The following PTPN4 variants were observed in gnomAD, a reference collection of about 807,000 sequenced individuals.
PTPN4 encodes tyrosine-protein phosphatase non-receptor type 4.
PTPN4 carries 49 observed loss-of-function variants against 135.5 expected under a neutral mutation model. That is an observed-to-expected ratio of 0.36 (90% CI 0.29 to 0.46). The LOEUF (loss-of-function observed/expected upper bound fraction) is 0.46. Among genes scored for constraint, PTPN4 ranks in the 20% least tolerant of loss-of-function variants. The pLI, the probability that PTPN4 is intolerant of heterozygous loss-of-function variation, is 1.00. For synonymous variants in PTPN4, 333 were observed against 369.9 expected (o/e 0.90, Z 1.14); for missense variants, 860 against 1,101.0 (o/e 0.78, Z 3.10).
chr2:119,841,357 GT>G (rs1677378443), intron 2 of PTPN4, among the ~76,000 whole-genome samples: 1 of 152,106 alleles, frequency 6.6e-6, no homozygotes, highest in South Asian at 2.1e-4. Flanking sequence ...CTATGTGTGT[GT>G]ATGTGTTTAT....
intron 26 of PTPN4, 59 bp downstream of exon 26, chr2:119,968,031 A>G (rs1574425600): frequency 1.1e-5 from 13 of 1,235,262 alleles, no homozygotes; most frequent in Non-Finnish European, 1.4e-5. Context: ...TTTGTTGCCA[A>G]TGCATATTCT....
chr2:119,853,812 C>G (rs1677632703), intron 2 of PTPN4, among the ~76,000 whole-genome samples: 1 of 152,050 alleles, frequency 6.6e-6, no homozygotes, highest in African/African-American at 2.4e-5. Context: ...TACTTACTTT[C>G]TGGTTGGAGA....
chr2:119,945,962 T>G (rs983846970), intron 16 of PTPN4, among the ~76,000 whole-genome samples: 5 of 152,154 alleles, frequency 3.3e-5, no homozygotes, highest in African/African-American at 1.2e-4. Flanking sequence ...AAATCACATA[T>G]ATCAAGCAGT....
intron 1 of PTPN4, among the ~76,000 whole-genome samples, chr2:119,802,284 C>A (rs968674773): frequency 6.6e-6 from 1 of 152,150 alleles, no homozygotes; most frequent in African/African-American, 2.4e-5. Flanking sequence ...CCTTCCTTGC[C>A]TTATTCCTGG....
chr2:119,962,738 C>A lies in PTPN4; in HGVS notation c.2403C>A (p.Asn801Lys). Residue 801 changes from asparagine (N) to lysine (K), a missense_variant, in exon 24 of 27, where the codon AAC (asparagine) becomes AAA (lysine). Asn to Lys is a moderately conservative substitution (Grantham distance 94). This residue lies in a region of PTPN4 where 176 missense variants were observed against 294.1 expected (regional missense o/e 0.60). Transcript: ENST00000263708. Reference protein sequence around the residue: ...AYIFRKMTLFNQEKNESRPLT... With the variant: ...AYIFRKMTLFKQEKNESRPLT... ...TCTTCAGGAAGATGACCCTATTTAA[C>A]CAAGAGGTAAGAAGGCAGGATATCT... 6.3e-7 allele frequency: 1 copy of A among 1,578,004 alleles called. No homozygotes were observed. The highest frequency in any genetic ancestry group is 8.6e-7 in the Non-Finnish European group (1 of 1,156,762).
At chr2:119,855,099 A>G (rs895376080) in intron 2 of PTPN4, among the ~76,000 whole-genome samples, 4 of 152,192 alleles carry the variant, frequency 2.6e-5, no homozygotes, top group African/African-American at 9.7e-5. Context: ...AGGGGTGCCC[A>G]TAAACCAGAA....
intron 2 of PTPN4, among the ~76,000 whole-genome samples, chr2:119,825,829 T>G (rs1335293301): frequency 6.6e-6 from 1 of 152,164 alleles, no homozygotes; most frequent in Non-Finnish European, 1.5e-5. Context: ...AACTGGTGTT[T>G]TTATTTCCCA....
At chr2:119,908,710 C>A (rs1254786177) in intron 10 of PTPN4, among the ~76,000 whole-genome samples, 2 of 152,058 alleles carry the variant, frequency 1.3e-5, no homozygotes, top group African/African-American at 4.8e-5. Flanking sequence ...CACTTTCGAT[C>A]AAAAATTAGA....
intron 2 of PTPN4, among the ~76,000 whole-genome samples, chr2:119,861,713 C>A (rs1677762716): frequency 6.6e-6 from 1 of 151,942 alleles, no homozygotes; most frequent in Non-Finnish European, 1.5e-5. Context: ...TTTATTTTAA[C>A]TGAACATGTT....
At chr2:119,911,020 G>C (rs1476396724) in intron 10 of PTPN4, among the ~76,000 whole-genome samples, 1 of 152,104 alleles carries the variant, frequency 6.6e-6, no homozygotes, top group African/African-American at 2.4e-5. Context: ...ATCTATTAAA[G>C]AAGTTGAAAT....
intron 2 of PTPN4, among the ~76,000 whole-genome samples, chr2:119,831,953 A>G (rs1677226056): frequency 6.6e-6 from 1 of 152,194 alleles, no homozygotes; most frequent in South Asian, 2.1e-4. Context: ...TTCTCAACAG[A>G]CAGACAATTT....
intron 1 of PTPN4, among the ~76,000 whole-genome samples, chr2:119,792,977 A>G (rs1691177084): frequency 6.6e-6 from 1 of 152,242 alleles, no homozygotes; most frequent in African/African-American, 2.4e-5. Context: ...TCACAAGGCC[A>G]GGGTGAAACT....
At chr2:119,766,468 GTGTGTGTGTGTGTGTC>G (rs1188555408) in intron 1 of PTPN4, among the ~76,000 whole-genome samples, 2,676 of 142,406 alleles carry the variant, frequency 0.019, 71 homozygotes, top group African/African-American at 0.068. Context: ...GTGTGTGTGT[GTGTGTGTGTGTGTGTC>G]TGTGTGTGTG....
chr2:119,770,316 G>A (rs955069163), intron 1 of PTPN4, among the ~76,000 whole-genome samples: 1 of 152,148 alleles, frequency 6.6e-6, no homozygotes, highest in Non-Finnish European at 1.5e-5. Context: ...TAATACAGCA[G>A]TGTATATTAC....
At chr2:119,856,025 C>G (rs1336850272) in intron 2 of PTPN4, among the ~76,000 whole-genome samples, 1 of 151,986 alleles carries the variant, frequency 6.6e-6, no homozygotes, top group African/African-American at 2.4e-5. Context: ...AGGATGGTCT[C>G]GATCTCCTGA....
intron 2 of PTPN4, among the ~76,000 whole-genome samples, chr2:119,832,525 T>A (rs1384508260): frequency 6.6e-6 from 1 of 152,104 alleles, no homozygotes; most frequent in South Asian, 2.1e-4. Flanking sequence ...TCTCACATAA[T>A]TTCTTCTAGA....
chr2:119,930,110 G>C (rs1678882488), intron 13 of PTPN4, among the ~76,000 whole-genome samples: 1 of 152,082 alleles, frequency 6.6e-6, no homozygotes, highest in South Asian at 2.1e-4. Context: ...ATATGAGGGA[G>C]TTGAACTAAA....
intron 3 of PTPN4, among the ~76,000 whole-genome samples, chr2:119,874,809 A>G (rs1677962100): frequency 6.6e-6 from 1 of 152,146 alleles, no homozygotes. Context: ...AATAATGCTG[A>G]GTCTTGGCAT....
intron 9 of PTPN4, among the ~76,000 whole-genome samples, chr2:119,899,500 A>G (rs1678373259): frequency 6.6e-6 from 1 of 152,158 alleles, no homozygotes; most frequent in African/African-American, 2.4e-5. Context: ...AGGATTCCTC[A>G]AAATGTCTGG....
Sources: gnomAD v4.1 joint callset for allele counts (sites outside exome capture counted in the v4.1 genomes callset) on GRCh38, gnomAD v4.1.1 for gene constraint, gnomAD v4.1.1 regional missense constraint, MANE v1.5 for transcripts, NCBI Gene and HGNC (gene_info 2026-07-23, HGNC 2026-07-21) for gene names.